Variants in COLQ observed in about 807,000 individuals in gnomAD.
COLQ encodes acetylcholinesterase collagenic tail peptide.
In COLQ, 48 loss-of-function variants were observed where a neutral mutation model predicts 69.0. The ratio of observed to expected loss-of-function variants is 0.70; its 90% confidence interval spans 0.55 to 0.88. The LOEUF is 0.88. Ranked by LOEUF, COLQ falls within the 40% of genes least tolerant of loss-of-function variation. COLQ has a pLI of 0.00. For synonymous variants in COLQ, 217 were observed against 211.2 expected (o/e 1.03, Z -0.24); for missense variants, 618 against 594.6 (o/e 1.04, Z -0.41).
In COLQ at chr3:15,458,340, A is replaced by C; in HGVS notation, c.815-15T>G. ...TATAAGTTGTCCTAGGAAGCAACAG[A>C]CTGCTGTGTTACTAGAGCCAAGGAA... On this transcript the variant is annotated splice_polypyrimidine_tract_variant and intron_variant, in intron 12 of 16. Coordinates refer to ENST00000383788, the MANE Select transcript of COLQ (RefSeq NM_005677.4). 1 of 1,614,046 alleles carries C rather than the reference A, an allele frequency of 6.2e-7. No homozygotes were observed. Among genetic ancestry groups the C allele is most frequent in the Non-Finnish European group, 8.5e-7 (1 of 1,179,970 alleles).
At chr3:15,492,056 CA>C (rs58987336) in intron 1 of COLQ, among the ~76,000 whole-genome samples, 12,025 of 97,518 alleles carry the variant, frequency 0.12, 553 homozygotes, top group East Asian at 0.22. Flanking sequence ...GACTCCATCT[CA>C]AAAAAAAAAA....
rs1383727480 is a variant in COLQ at position 15,521,503 on chromosome 3, T to C, written c.106+17A>G. On this transcript the variant is annotated intron_variant, in intron 1 of 16. Coordinates refer to ENST00000383788, the MANE Select transcript of COLQ (RefSeq NM_005677.4). Reference sequence around the variant, plus strand: ...CCCTGACAGATGGAAGAGAGGAAAGTTGTGGCCATCATTTACCTGCTGAGA... The same window carrying C: ...CCCTGACAGATGGAAGAGAGGAAAGCTGTGGCCATCATTTACCTGCTGAGA... 2 of 1,613,826 alleles carry C rather than the reference T, an allele frequency of 1.2e-6. No homozygotes were observed. Among genetic ancestry groups the C allele is most frequent in the Non-Finnish European group, 1.7e-6 (2 of 1,179,994 alleles).
At position 15,450,470 on chromosome 3, in the gene COLQ, G is replaced by T. The variant is rs1323046458; in HGVS notation, c.*1174C>A. On this transcript the variant is annotated 3_prime_UTR_variant, in exon 17 of 17. Coordinates refer to ENST00000383788, the MANE Select transcript of COLQ (RefSeq NM_005677.4). ...AATTTCTACTTGAGGTCTGCTGTGG[G>T]GGTGGACCTCACCTTGGAGATGTCT... is the stretch of plus-strand genomic sequence containing the variant. The T allele has an allele frequency of 2.0e-5, 3 of 153,780 alleles. No homozygotes were observed. The highest frequency in any genetic ancestry group is 4.4e-5 in the Non-Finnish European group (3 of 68,060). 9.5% of individuals were successfully genotyped at this position (153,780 alleles called of 1,614,324 possible). A position where few individuals can be genotyped will look rare whatever the true frequency, so the allele number is the denominator to read the frequency against.
At chr3:15,494,032 G>A (rs937652843) in intron 1 of COLQ, among the ~76,000 whole-genome samples, 19 of 152,224 alleles carry the variant, frequency 1.2e-4, no homozygotes, top group African/African-American at 3.6e-4. Context: ...TCAGTGAGCC[G>A]AGATTGTGCC....
chr3:15,469,068 A>G (rs1315294913), intron 11 of COLQ, among the ~76,000 whole-genome samples: 1 of 152,162 alleles, frequency 6.6e-6, no homozygotes, highest in African/African-American at 2.4e-5. Flanking sequence ...AAGGCTAACA[A>G]TTCGTTATCT....
At chr3:15,485,540 G>A (rs6808644) in intron 3 of COLQ, among the ~76,000 whole-genome samples, 71,713 of 151,984 alleles carry the variant, frequency 0.47, 17,360 homozygotes, top group African/African-American at 0.57. Context: ...TATGATTTCT[G>A]CAAAACTTAT....
intron 1 of COLQ, among the ~76,000 whole-genome samples, chr3:15,516,926 G>C (rs952874828): frequency 6.6e-6 from 1 of 152,214 alleles, no homozygotes; most frequent in African/African-American, 2.4e-5. Flanking sequence ...CGGATCACTT[G>C]AGGTCAGGAG....
chr3:15,510,842 G>A (rs926059363), intron 1 of COLQ, among the ~76,000 whole-genome samples: 3 of 140,350 alleles, frequency 2.1e-5, no homozygotes, highest in African/African-American at 8.4e-5. Flanking sequence ...GAGGAAGGGA[G>A]GGAGAGAGGA....
intron 1 of COLQ, among the ~76,000 whole-genome samples, chr3:15,501,465 C>T (rs1300058412): frequency 2.0e-5 from 3 of 152,218 alleles, no homozygotes; most frequent in African/African-American, 7.2e-5. Flanking sequence ...AGACATCTAC[C>T]TGTTTGGGGC....
At chr3:15,515,862 T>C (rs925521382) in intron 1 of COLQ, among the ~76,000 whole-genome samples, 4 of 152,194 alleles carry the variant, frequency 2.6e-5, no homozygotes, top group African/African-American at 9.6e-5. Flanking sequence ...CGAGGTTATT[T>C]GGTGTCTCAT....
intron 10 of COLQ, among the ~76,000 whole-genome samples, chr3:15,472,453 A>G (rs143921322): frequency 6.6e-6 from 1 of 152,366 alleles, no homozygotes; most frequent in East Asian, 1.9e-4. Flanking sequence ...TAAGATAAAA[A>G]TTGTTTTAGT....
chr3:15,488,692 G>GA (rs1363332375), intron 2 of COLQ, among the ~76,000 whole-genome samples: 1 of 152,030 alleles, frequency 6.6e-6, no homozygotes, highest in Non-Finnish European at 1.5e-5. Flanking sequence ...AAGGTAAAAA[G>GA]AAAAAAGTCA....
intron 11 of COLQ, chr3:15,467,778 G>T: frequency 2.3e-6 from 1 of 440,508 alleles, no homozygotes; most frequent in Non-Finnish European, 4.6e-6. Context: ...CTGATGAAAT[G>T]TAATCTTCCT....
At chr3:15,474,456 A>G (rs1345623914) in intron 8 of COLQ, among the ~76,000 whole-genome samples, 184 bp from the exon 9 acceptor site, 1 of 152,214 alleles carries the variant, frequency 6.6e-6, no homozygotes, top group Non-Finnish European at 1.5e-5. Flanking sequence ...TTGAACCCCA[A>G]AGACCTCTTG....
intron 3 of COLQ, among the ~76,000 whole-genome samples, chr3:15,484,748 C>A (rs543663009): frequency 6.8e-6 from 1 of 147,188 alleles, no homozygotes; most frequent in Admixed American, 6.7e-5. Flanking sequence ...AGTTCTCGTG[C>A]TGTGGTTTTC....
intron 4 of COLQ, 48 bp from the exon 5 acceptor site, chr3:15,479,051 T>C: frequency 6.2e-7 from 1 of 1,612,134 alleles, no homozygotes; most frequent in African/African-American, 1.3e-5. Context: ...GGAAGAGATG[T>C]TCTGGAAGCA....
intron 3 of COLQ, among the ~76,000 whole-genome samples, chr3:15,485,596 A>G (rs530366600): frequency 3.3e-5 from 5 of 152,340 alleles, no homozygotes; most frequent in African/African-American, 1.2e-4. Context: ...CAAGTCTATC[A>G]GCACATTACA....
At position 15,477,179 on chromosome 3, in the gene COLQ, CT is replaced by C; in HGVS notation, c.411del (p.Gly138ValfsTer26). The C allele has an allele frequency of 6.2e-7, 1 of 1,606,588 alleles. No homozygotes were observed. Among genetic ancestry groups the C allele is most frequent in the Non-Finnish European group, 8.5e-7 (1 of 1,176,972 alleles). On this transcript the variant is annotated frameshift_variant, in exon 6 of 17. Transcript: ENST00000383788. LOFTEE classifies it high-confidence loss of function. Reference sequence around the variant, plus strand: ...ATGGGCCCAGGCATGCCAGGAACACCTGGGGGGCCAGGTCTACCCTTCAAAG... The same window carrying C: ...ATGGGCCCAGGCATGCCAGGAACACCGGGGGGCCAGGTCTACCCTTCAAAG... ...RPGRKGRPGP[P>X]GVPGMPGPIG... is the part of the protein sequence containing the mutation.
In COLQ at chr3:15,479,364, C is replaced by T. The variant is rs2062438181; in HGVS notation, c.340G>A (p.Gly114Ser). ...PGPQGPPGLP[G>S]KTGPKGEKGE... ...TTTTCTCCCTTTGGTCCTGTCTTGC[C>T]AGGAAGCCCCGGTGGACCCTAATCA... Residue 114 changes from glycine to serine, a missense_variant, in exon 4 of 17, where the codon GGC (glycine) becomes AGC (serine). Physicochemically the swap from Gly to Ser is moderately conservative, Grantham distance 56. Coordinates refer to ENST00000383788, the MANE Select transcript of COLQ (RefSeq NM_005677.4). 1.2e-6 allele frequency: 2 copies of T among 1,614,002 alleles called. No individual in the cohort carries two copies. The highest frequency in any genetic ancestry group is 1.6e-4 in the Middle Eastern group (1 of 6,084).
Sources: allele counts gnomAD v4.1 joint callset (sites outside exome capture counted in the v4.1 genomes callset), GRCh38; gene constraint gnomAD v4.1.1; transcripts MANE v1.5; gene names NCBI Gene and HGNC (gene_info 2026-07-23, HGNC 2026-07-21).